The following GRIK1 variants were observed in gnomAD, a reference collection of about 807,000 sequenced individuals.
GRIK1 encodes the protein glutamate ionotropic receptor kainate type subunit 1.
A neutral mutation model predicts 105.7 loss-of-function variants in GRIK1; 69 were observed. The ratio of observed to expected loss-of-function variants is 0.65; its 90% CI spans 0.54 to 0.80. GRIK1 has a LOEUF of 0.80. Ranked by LOEUF, GRIK1 falls within the 30% of genes least tolerant of loss-of-function variation. The probability of loss-of-function intolerance (pLI) is 0.00; values close to 1 mark genes in which losing one functional copy is unlikely to be tolerated. For synonymous variants in GRIK1, 438 were observed against 431.3 expected (o/e 1.02, Z -0.19); for missense variants, 1,109 against 1,167.3 (o/e 0.95, Z 0.73).
chr21:29,847,694 C>A (rs753144045), intron 1 of GRIK1, among the ~76,000 whole-genome samples: 34 of 152,308 alleles, frequency 2.2e-4, no homozygotes, highest in Non-Finnish European at 4.0e-4. Flanking sequence ...CTGGTTGTCT[C>A]TTTACTACAT....
At chr21:29,553,439 A>G in intron 16 of GRIK1, 4 of 1,405,582 alleles carry the variant, frequency 2.8e-6, no homozygotes, top group Non-Finnish European at 2.8e-6. Context: ...GAGTTTTGCT[A>G]TCCTAAAGGA....
chr21:29,650,822 C>T (rs1304977673), intron 6 of GRIK1, among the ~76,000 whole-genome samples: 1 of 152,234 alleles, frequency 6.6e-6, no homozygotes, highest in South Asian at 2.1e-4. Context: ...CCCACAGCCA[C>T]ATTCCTAGAA....
At chr21:29,846,459 G>GAA (rs1290594727) in intron 1 of GRIK1, among the ~76,000 whole-genome samples, 221 of 106,154 alleles carry the variant, frequency 2.1e-3, no homozygotes, top group African/African-American at 6.7e-3. Flanking sequence ...GAAGGAAAGA[G>GAA]AGAGAGAAAG....
At chr21:29,752,831 C>T (rs186352555) in intron 1 of GRIK1, among the ~76,000 whole-genome samples, 2 of 152,248 alleles carry the variant, frequency 1.3e-5, no homozygotes, top group East Asian at 3.9e-4. Flanking sequence ...GAGTGAGGCC[C>T]TGCCTCCAAA....
At chr21:29,652,237 C>T (rs1193734566) in intron 5 of GRIK1, among the ~76,000 whole-genome samples, 1 of 152,196 alleles carries the variant, frequency 6.6e-6, no homozygotes, top group Non-Finnish European at 1.5e-5. Flanking sequence ...GCAGTACCCA[C>T]TCTTCTCCAC....
intron 13 of GRIK1, among the ~76,000 whole-genome samples, chr21:29,580,373 G>C (rs1407161326): frequency 6.6e-6 from 1 of 151,794 alleles, no homozygotes; most frequent in African/African-American, 2.4e-5. Flanking sequence ...AAATCAGATG[G>C]CATCTATACT....
rs185691234 is a variant in GRIK1 at position 29,594,847 on chromosome 21, G to A, written c.1251+1679C>T. On this transcript the variant is annotated intron_variant, in intron 9 of 17. Coordinates refer to ENST00000327783, the MANE Select transcript of GRIK1 (RefSeq NM_001330994.2). ...AACCTTATATAACAAATATTTTAGT[G>A]AGGGATGTTGTAAAGATTGCTACCT... Among the ~76,000 whole-genome samples, 8 of 152,272 alleles carry A rather than the reference G, an allele frequency of 5.3e-5. No individual in the cohort carries two copies. In the East Asian group the frequency reaches 9.6e-4, roughly 18 times the overall value.
chr21:29,671,196 C>T (rs1183261388), intron 4 of GRIK1, among the ~76,000 whole-genome samples: 6 of 151,996 alleles, frequency 3.9e-5, no homozygotes, highest in Admixed American at 1.3e-4. Flanking sequence ...AATCTTGGCT[C>T]GCTGCAACCT....
At chr21:29,817,892 G>T (rs754300512) in intron 1 of GRIK1, among the ~76,000 whole-genome samples, 22 of 152,104 alleles carry the variant, frequency 1.4e-4, no homozygotes, top group Admixed American at 6.6e-5. Flanking sequence ...CCAATATTTA[G>T]TTGGCTACGC....
rs376099649 is a variant in GRIK1 at position 29,632,478 on chromosome 21, AG to A, written c.1098+10347del. On this transcript the variant is annotated intron_variant, in intron 7 of 17. Transcript: ENST00000327783. ...ATTCAAACCTTGAGATAATTGCGAA[AG>A]CACACTGTTAAAGAAATAGATACAG... 4.2e-4 allele frequency among the ~76,000 whole-genome samples: 63 copies of A among 151,296 alleles called. No individual in the cohort carries two copies. In the East Asian group the frequency reaches 7.0e-3, roughly 17 times the overall value.
At chr21:29,886,739 A>G (rs2069644051) in intron 1 of GRIK1, among the ~76,000 whole-genome samples, 1 of 152,140 alleles carries the variant, frequency 6.6e-6, no homozygotes, top group Non-Finnish European at 1.5e-5. Context: ...CACCAGGTTA[A>G]TAGAACTCTA....
chr21:29,776,628 G>T (rs2065950806), intron 1 of GRIK1, among the ~76,000 whole-genome samples: 1 of 152,158 alleles, frequency 6.6e-6, no homozygotes, highest in East Asian at 1.9e-4. Context: ...GTGACAAGGA[G>T]GATGATATTT....
intron 1 of GRIK1, among the ~76,000 whole-genome samples, chr21:29,803,405 C>T (rs2066767794): frequency 6.6e-6 from 1 of 152,112 alleles, no homozygotes; most frequent in South Asian, 2.1e-4. Flanking sequence ...ATGAACATGT[C>T]ACCATTACAT....
intron 9 of GRIK1, among the ~76,000 whole-genome samples, chr21:29,593,560 G>C (rs2061362170): frequency 6.6e-6 from 1 of 152,150 alleles, no homozygotes; most frequent in Non-Finnish European, 1.5e-5. Flanking sequence ...TTGACTCCTA[G>C]CTCCATGAAG....
At chr21:29,814,786 G>A (rs1037560526) in intron 1 of GRIK1, among the ~76,000 whole-genome samples, 1 of 152,096 alleles carries the variant, frequency 6.6e-6, no homozygotes, top group Non-Finnish European at 1.5e-5. Context: ...GCATTAGGGT[G>A]TAGAGTGAGT....
At chr21:29,809,710 C>T (rs936102269) in intron 1 of GRIK1, among the ~76,000 whole-genome samples, 35 of 152,316 alleles carry the variant, frequency 2.3e-4, no homozygotes, top group Admixed American at 1.5e-3. Context: ...CCTAGCTTTC[C>T]GCCTGTCTCG....
In GRIK1 at chr21:29,908,565, G is replaced by A. The variant is rs1299668462; in HGVS notation, c.118+30818C>T. On this transcript the variant is annotated intron_variant, in intron 1 of 17. Coordinates refer to ENST00000327783, the MANE Select transcript of GRIK1 (RefSeq NM_001330994.2). The stretch of plus-strand genomic sequence containing the variant: ...TAACCAGGCATATTCTTCAAAATAG[G>A]CCTCCAACATACATTTTCAAAATCA... Among the ~76,000 whole-genome samples, 5 of 152,226 alleles carry A rather than the reference G, an allele frequency of 3.3e-5. No individual in the cohort carries two copies. The East Asian group carries it at 9.6e-4, about 29-fold the overall frequency.
intron 1 of GRIK1, among the ~76,000 whole-genome samples, chr21:29,900,452 T>A (rs1354119968): frequency 9.1e-5 from 6 of 65,744 alleles, no homozygotes; most frequent in Admixed American, 1.7e-4. Context: ...ACCAAACAAA[T>A]GGAAAGCAAG....
intron 1 of GRIK1, among the ~76,000 whole-genome samples, chr21:29,870,155 C>A (rs1196464147): frequency 6.6e-6 from 1 of 152,124 alleles, no homozygotes; most frequent in African/African-American, 2.4e-5. Context: ...CTGTTTTAAA[C>A]ACATAATAGT....
Sources: allele counts gnomAD v4.1 joint callset (sites outside exome capture counted in the v4.1 genomes callset), GRCh38; gene constraint gnomAD v4.1.1; transcripts MANE v1.5; gene names NCBI Gene and HGNC (gene_info 2026-07-23, HGNC 2026-07-21).